Variants in ASTN2 observed in about 807,000 individuals in gnomAD.
ASTN2 encodes the protein astrotactin-2.
ASTN2 carries 54 observed loss-of-function variants against 139.8 expected under a neutral mutation model. The ratio of observed to expected loss-of-function variants is 0.39; its 90% CI spans 0.31 to 0.48. ASTN2 has a LOEUF of 0.48. Among genes scored for constraint, ASTN2 ranks in the 20% least tolerant of loss-of-function variants. ASTN2 has a pLI of 0.95. For synonymous variants in ASTN2, 756 were observed against 719.5 expected (o/e 1.05, Z -0.81); for missense variants, 1,565 against 1,725.1 (o/e 0.91, Z 1.64).
chr9:117,383,609 C>T (rs1393592141), intron 1 of ASTN2, among the ~76,000 whole-genome samples: 3 of 151,944 alleles, frequency 2.0e-5, no homozygotes, highest in Non-Finnish European at 4.4e-5. Context: ...AATTCAGCCT[C>T]CAAAGTCAGG....
intron 3 of ASTN2, among the ~76,000 whole-genome samples, chr9:117,178,540 C>A (rs1013302639): frequency 6.6e-6 from 1 of 152,156 alleles, no homozygotes; most frequent in Admixed American, 6.5e-5. Flanking sequence ...GCAAATTCCC[C>A]AACATCCCTC....
chr9:117,116,448 T>C (rs1829393221), intron 4 of ASTN2, among the ~76,000 whole-genome samples: 1 of 152,160 alleles, frequency 6.6e-6, no homozygotes, highest in Non-Finnish European at 1.5e-5. Context: ...ATCATGTGCA[T>C]CTTTCTGGCC....
chr9:117,130,244 G>T (rs1243959036), intron 4 of ASTN2, among the ~76,000 whole-genome samples: 4 of 152,198 alleles, frequency 2.6e-5, no homozygotes, highest in Non-Finnish European at 5.9e-5. Context: ...TGGAGGTTGT[G>T]GCTGCAGTGA....
chr9:117,152,716 C>G (rs536062956), intron 3 of ASTN2, among the ~76,000 whole-genome samples: 3 of 152,180 alleles, frequency 2.0e-5, no homozygotes, highest in East Asian at 3.9e-4. Flanking sequence ...GGGGAGAACC[C>G]CACTCTCTTA....
chr9:116,996,872 C>T (rs117555550), intron 7 of ASTN2, among the ~76,000 whole-genome samples: 2,843 of 151,990 alleles, frequency 0.019, 45 homozygotes, highest in Middle Eastern at 0.061. Context: ...AGGACATATG[C>T]CATTTTTAGA....
At chr9:117,006,076 A>T (rs1837345885) in intron 7 of ASTN2, among the ~76,000 whole-genome samples, 1 of 152,114 alleles carries the variant, frequency 6.6e-6, no homozygotes, top group Admixed American at 6.5e-5. Flanking sequence ...CTGGGTCACC[A>T]TCAGACAACC....
intron 1 of ASTN2, among the ~76,000 whole-genome samples, chr9:117,413,968 T>A (rs1386240946): frequency 6.6e-6 from 1 of 152,168 alleles, no homozygotes; most frequent in Non-Finnish European, 1.5e-5. Context: ...ACTCAGCCCA[T>A]GCGGAAGCCA....
intron 1 of ASTN2, among the ~76,000 whole-genome samples, chr9:117,340,170 C>CA (rs879319944): frequency 6.0e-5 from 9 of 150,520 alleles, no homozygotes; most frequent in South Asian, 2.1e-4. Flanking sequence ...ACTAAAAATA[C>CA]AAAAAAAATT....
In ASTN2 at chr9:117,411,275, A is replaced by C. The variant is rs147372896; in HGVS notation, c.442+3222T>G. On this transcript the variant is annotated intron_variant, in intron 1 of 22. Transcript: ENST00000313400. ...AATAACTATTTGCTATTCTTTGATCACTTTCAGGGAGATTCACTTTGTCAA... is the reference window on the plus strand; with the variant it reads ...AATAACTATTTGCTATTCTTTGATCCCTTTCAGGGAGATTCACTTTGTCAA... Among the ~76,000 whole-genome samples the C allele has an allele frequency of 5.1e-4, 77 of 152,272 alleles. 1 individual carries two copies. The highest frequency in any genetic ancestry group is 1.8e-3 in the African/African-American group (74 of 41,554).
chr9:117,265,182 A>G (rs561525680), intron 2 of ASTN2, among the ~76,000 whole-genome samples: 1 of 152,304 alleles, frequency 6.6e-6, no homozygotes, highest in South Asian at 2.1e-4. Flanking sequence ...GATTTCAGAA[A>G]TAACTATTAG....
chr9:116,702,393 T>G (rs1321989648), intron 16 of ASTN2, among the ~76,000 whole-genome samples: 1 of 152,190 alleles, frequency 6.6e-6, no homozygotes, highest in East Asian at 1.9e-4. Flanking sequence ...TTAAAACCTT[T>G]CTCAGGCATT....
chr9:117,231,018 T>C (rs532966010), intron 2 of ASTN2, among the ~76,000 whole-genome samples: 1 of 152,294 alleles, frequency 6.6e-6, no homozygotes, highest in South Asian at 2.1e-4. Flanking sequence ...ATTTCTGGCC[T>C]TTAAATAAGC....
chr9:116,455,146 C>T (rs1268189750), intron 20 of ASTN2, among the ~76,000 whole-genome samples: 2 of 151,756 alleles, frequency 1.3e-5, no homozygotes, highest in Admixed American at 6.6e-5. Context: ...GTCAGGAGTT[C>T]GAGACCAGCC....
intron 19 of ASTN2, among the ~76,000 whole-genome samples, chr9:116,577,968 C>G (rs908252883): frequency 6.6e-6 from 1 of 151,958 alleles, no homozygotes; most frequent in East Asian, 1.9e-4. Flanking sequence ...TTGGGGGATG[C>G]AAGAAGGGGT....
At chr9:116,439,761 C>T (rs1279133951) in intron 22 of ASTN2, among the ~76,000 whole-genome samples, 1 of 152,200 alleles carries the variant, frequency 6.6e-6, no homozygotes, top group Non-Finnish European at 1.5e-5. Context: ...AGCCCCAGTG[C>T]AGCTTCATTG....
At chr9:116,603,167 G>A (rs909452040) in intron 19 of ASTN2, among the ~76,000 whole-genome samples, 2 of 152,156 alleles carry the variant, frequency 1.3e-5, no homozygotes, top group African/African-American at 2.4e-5. Flanking sequence ...GAGATCGAGA[G>A]GCTGATACAA....
intron 19 of ASTN2, among the ~76,000 whole-genome samples, chr9:116,537,925 A>C (rs1284020203): frequency 6.6e-6 from 1 of 152,220 alleles, no homozygotes; most frequent in Admixed American, 6.5e-5. Flanking sequence ...TATCACAACA[A>C]ACCTTCCAGG....
chr9:116,993,547 A>G (rs553115111), intron 7 of ASTN2, among the ~76,000 whole-genome samples: 6 of 151,176 alleles, frequency 4.0e-5, no homozygotes, highest in African/African-American at 1.5e-4. Context: ...TATATATAGT[A>G]TATACAGCAA....
In ASTN2 at chr9:117,120,018, GTATATATATATA is replaced by G. The variant is rs200361826; in HGVS notation, c.1168+21296_1168+21307del. Among the ~76,000 whole-genome samples the G allele has an allele frequency of 6.3e-3, 289 of 46,006 alleles. 9 individuals are homozygous for G. The highest frequency in any genetic ancestry group is 0.023 in the African/African-American group (277 of 12,200). The allele number at this position is 46,006 out of a possible 152,430, so 30.2% of individuals were successfully genotyped here. A position where few individuals can be genotyped will look rare whatever the true frequency, so the allele number is the denominator to read the frequency against. On this transcript the variant is annotated intron_variant, in intron 4 of 22. Transcript: ENST00000313400. ...TGTGTGTGTGTGTGTGTGTGTGTGT[GTATATATATATA>G]TATATATATATATATATATACCCTG... is the stretch of plus-strand genomic sequence containing the variant.
Sources: allele counts gnomAD v4.1 joint callset (sites outside exome capture counted in the v4.1 genomes callset), GRCh38; gene constraint gnomAD v4.1.1; transcripts MANE v1.5; gene names NCBI Gene and HGNC (gene_info 2026-07-23, HGNC 2026-07-21).